The following NSD3 variants were observed in gnomAD, a reference collection of about 807,000 sequenced individuals.
NSD3 encodes histone-lysine N-methyltransferase NSD3.
A neutral mutation model predicts 160.8 loss-of-function variants in NSD3; 24 were observed. That is an observed-to-expected ratio of 0.15 (90% confidence interval 0.11 to 0.21). The LOEUF is 0.21. Among genes scored for constraint, NSD3 ranks in the 10% least tolerant of loss-of-function variants. The pLI, the probability that NSD3 is intolerant of heterozygous loss-of-function variation, is 1.00. For synonymous variants in NSD3, 520 were observed against 600.0 expected (o/e 0.87, Z 1.95); for missense variants, 1,157 against 1,735.9 (o/e 0.67, Z 5.93).
intron 12 of NSD3, among the ~76,000 whole-genome samples, chr8:38,312,883 C>G (rs1164927106): frequency 1.3e-5 from 2 of 152,124 alleles, no homozygotes; most frequent in Non-Finnish European, 2.9e-5. Context: ...CAAGAAGTCC[C>G]TAATACAATA....
At chr8:38,301,464 C>T (rs1306131019) in intron 14 of NSD3, among the ~76,000 whole-genome samples, 1 of 152,182 alleles carries the variant, frequency 6.6e-6, no homozygotes, top group Non-Finnish European at 1.5e-5. Context: ...CCTGTAATCC[C>T]AGCTACTTGG....
chr8:38,304,548 G>T, intron 14 of NSD3, 39 bp downstream of exon 14: 1 of 1,580,062 alleles, frequency 6.3e-7, no homozygotes, highest in South Asian at 1.2e-5. Flanking sequence ...ATATGCCAAT[G>T]ACCTCAAAAA....
At chr8:38,277,735 A>C (rs1808633443) in intron 22 of NSD3, among the ~76,000 whole-genome samples, 1 of 152,184 alleles carries the variant, frequency 6.6e-6, no homozygotes, top group Non-Finnish European at 1.5e-5. Flanking sequence ...GGTTTTTAAA[A>C]AGTTTTAAAT....
chr8:38,296,261 A>C (rs1281144647), intron 15 of NSD3, among the ~76,000 whole-genome samples: 1 of 152,196 alleles, frequency 6.6e-6, no homozygotes, highest in East Asian at 1.9e-4. Context: ...CATATGACCA[A>C]ATTGAAGCAT....
chr8:38,296,488 AG>A (rs1166287719), intron 15 of NSD3, among the ~76,000 whole-genome samples: 1 of 152,190 alleles, frequency 6.6e-6, no homozygotes, highest in Non-Finnish European at 1.5e-5. Flanking sequence ...AAAAAGCAAA[AG>A]GAACACAGAA....
intron 1 of NSD3, among the ~76,000 whole-genome samples, chr8:38,370,380 ATT>A (rs550018393): frequency 3.3e-4 from 46 of 137,336 alleles, no homozygotes; most frequent in African/African-American, 7.4e-4. Context: ...GTCCAGGAGA[ATT>A]TTTTTTTTTT....
chr8:38,290,770 T>C, intron 16 of NSD3, 93 bp from the exon 17 acceptor site: 1 of 1,265,558 alleles, frequency 7.9e-7, no homozygotes, highest in South Asian at 1.4e-5. Context: ...AGTTTTTGTA[T>C]TTTGCAATTT....
intron 1 of NSD3, among the ~76,000 whole-genome samples, chr8:38,361,343 T>A (rs1002963020): frequency 6.6e-6 from 1 of 151,580 alleles, no homozygotes; most frequent in South Asian, 2.1e-4. Context: ...TTGGCCAGAC[T>A]GGTCTCCAAC....
intron 14 of NSD3, among the ~76,000 whole-genome samples, chr8:38,302,121 G>A (rs1809290915): frequency 6.6e-6 from 1 of 152,150 alleles, no homozygotes; most frequent in African/African-American, 2.4e-5. Context: ...TTAAGAAATA[G>A]CTTAATGATT....
chr8:38,338,620 G>T lies in NSD3; in HGVS notation c.676-13C>A. On this transcript the variant is annotated splice_polypyrimidine_tract_variant and intron_variant, in intron 2 of 23. Transcript: ENST00000317025. Reference sequence around the variant, plus strand: ...TCTCATTTGGTCTCTAGGTGAAAAGGTATAGGTAAGTAGAATAAAATGGCA... The same window carrying T: ...TCTCATTTGGTCTCTAGGTGAAAAGTTATAGGTAAGTAGAATAAAATGGCA... The T allele has an allele frequency of 1.2e-6, 2 of 1,601,126 alleles. No homozygotes were observed. Among genetic ancestry groups the T allele is most frequent in the Non-Finnish European group, 1.7e-6 (2 of 1,168,586 alleles).
Position 38,275,613 on chromosome 8 carries a change from T to G in NSD3, c.*28A>C, listed in dbSNP as rs372645268. On this transcript the variant is annotated 3_prime_UTR_variant, in exon 24 of 24. Coordinates refer to ENST00000317025, the MANE Select transcript of NSD3 (RefSeq NM_023034.2). Reference sequence around the variant, plus strand: ...GCATGATCTATTTGCTTTTTTCACTTAAATAGAAAGGAGGGGACACCACAC... The same window carrying G: ...GCATGATCTATTTGCTTTTTTCACTGAAATAGAAAGGAGGGGACACCACAC... 8 of 1,592,184 alleles carry G rather than the reference T, an allele frequency of 5.0e-6. No homozygotes were observed. The highest frequency in any genetic ancestry group is 6.9e-6 in the Non-Finnish European group (8 of 1,165,962).
chr8:38,280,012 A>G (rs12674515), intron 20 of NSD3: 38,701 of 189,052 alleles, frequency 0.2, 4,361 homozygotes, highest in East Asian at 0.3. Flanking sequence ...CAAAGTTCTG[A>G]TAACTGCTCT....
chr8:38,296,024 A>ATCT (rs1285347025), intron 15 of NSD3, 72 bp from the exon 16 acceptor site: 1 of 1,428,952 alleles, frequency 7.0e-7, no homozygotes, highest in Non-Finnish European at 9.4e-7. Flanking sequence ...GGAGAAAGTT[A>ATCT]TCTTTTCAGC....
chr8:38,316,934 G>C lies in NSD3; in HGVS notation c.1856-892C>G. ...AGAAACAGCCACGATGAAATGTGCA[G>C]ATCAGGCACGGTGAATACCAAGGAA... is the stretch of plus-strand genomic sequence containing the variant. On this transcript the variant is annotated intron_variant, in intron 9 of 23. Coordinates refer to ENST00000317025, the MANE Select transcript of NSD3 (RefSeq NM_023034.2). The surrounding 1 kb of genome is among the most constrained non-coding windows in gnomAD (Gnocchi z 4.5). The C allele has an allele frequency of 9.4e-7, 1 of 1,062,066 alleles. No homozygotes were observed. Among genetic ancestry groups the C allele is most frequent in the Non-Finnish European group, 1.1e-6 (1 of 877,086 alleles). The allele number at this position is 1,062,066 out of a possible 1,614,324, so 65.8% of individuals were successfully genotyped here.
intron 1 of NSD3, among the ~76,000 whole-genome samples, chr8:38,354,729 G>A (rs1276020288): frequency 1.3e-5 from 2 of 151,140 alleles, no homozygotes; most frequent in African/African-American, 4.9e-5. Context: ...TGAAAAGTTC[G>A]GGGAAAAAAA....
chr8:38,355,539 T>C (rs1459300795), intron 1 of NSD3, among the ~76,000 whole-genome samples: 2 of 152,184 alleles, frequency 1.3e-5, no homozygotes, highest in African/African-American at 2.4e-5. Flanking sequence ...AAGAATTGAA[T>C]TGTGTTACTA....
Position 38,348,016 on chromosome 8 carries a change from A to C in NSD3, c.156T>G (p.Thr52=). Residue 52 remains threonine (T), a synonymous_variant, in exon 2 of 24, where the codon ACT becomes ACG. Transcript: ENST00000317025. ...CTGGGTACTGAAAGCCTTGCTGCAA[A>C]GTAGCTTCATATGGTGTCTGGCCAC... ...EDGGQTPYEA[T]LQQGFQYPAT... The C allele has an allele frequency of 5.6e-6, 9 of 1,614,216 alleles. No individual in the cohort carries two copies. The highest frequency in any genetic ancestry group is 7.6e-6 in the Non-Finnish European group (9 of 1,180,032).
intron 1 of NSD3, among the ~76,000 whole-genome samples, chr8:38,366,757 G>A (rs1394690142): frequency 1.3e-5 from 2 of 151,936 alleles, no homozygotes; most frequent in Non-Finnish European, 2.9e-5. Context: ...GCTAATTCTG[G>A]GCTAACCACA....
At chr8:38,304,854 C>T (rs910840901) in intron 13 of NSD3, 97 bp from the exon 14 acceptor site, 1 of 1,290,428 alleles carries the variant, frequency 7.7e-7, no homozygotes, top group South Asian at 1.5e-5. Context: ...CTCTGAGATG[C>T]TAGTTACAGT....
Sources: gnomAD v4.1 joint callset for allele counts (sites outside exome capture counted in the v4.1 genomes callset) on GRCh38, gnomAD v4.1.1 for gene constraint, Gnocchi (gnomAD v3.1) non-coding constraint, MANE v1.5 for transcripts, NCBI Gene and HGNC (gene_info 2026-07-23, HGNC 2026-07-21) for gene names.